The following ELP4 variants were observed in gnomAD, a reference collection of about 807,000 sequenced individuals.
ELP4 encodes elongator complex protein 4.
A neutral mutation model predicts 48.9 loss-of-function variants in ELP4; 51 were observed. The ratio of observed to expected loss-of-function variants is 1.04; its 90% CI spans 0.83 to 1.32. The LOEUF (loss-of-function observed/expected upper bound fraction) is 1.32, where lower values mean the gene tolerates loss of function less well. Among genes scored for constraint, ELP4 ranks in the 40% most tolerant of loss-of-function variants. ELP4 has a pLI of 0.00. For missense variants in ELP4, 519 were observed against 514.6 expected (o/e 1.01, Z -0.08); for synonymous variants, 210 against 189.2 (o/e 1.11, Z -0.90).
intron 3 of ELP4, among the ~76,000 whole-genome samples, chr11:31,550,042 G>A (rs930841996): frequency 9.2e-5 from 14 of 152,094 alleles, no homozygotes; most frequent in East Asian, 5.8e-4. Flanking sequence ...GCTAGATGAC[G>A]AGTTAGTGGG....
Position 31,783,724 on chromosome 11 carries a change from T to A in ELP4, c.*200T>A, listed in dbSNP as rs1948430682. 1 of 468,654 alleles carries A rather than the reference T, an allele frequency of 2.1e-6. No homozygotes were observed. The highest frequency in any genetic ancestry group is 3.7e-6 in the Non-Finnish European group (1 of 268,360). 29.0% of individuals were successfully genotyped at this position (468,654 alleles called of 1,614,324 possible). On this transcript the variant is annotated 3_prime_UTR_variant, in exon 10 of 10. Coordinates refer to ENST00000640961, the MANE Select transcript of ELP4 (RefSeq NM_019040.5). The stretch of plus-strand genomic sequence containing the variant: ...GAAATACTTTTAAATTTTTCCTTCA[T>A]GCTCTAGAGAAAATAATTTTATTTT...
intron 3 of ELP4, among the ~76,000 whole-genome samples, chr11:31,570,091 C>CA (rs764382386): frequency 3.3e-5 from 5 of 152,120 alleles, no homozygotes; most frequent in African/African-American, 7.2e-5. Flanking sequence ...TTCTCAATAG[C>CA]AAAGACATGG....
intron 5 of ELP4, among the ~76,000 whole-genome samples, chr11:31,626,606 T>C (rs1944749452): frequency 6.6e-6 from 1 of 151,908 alleles, no homozygotes; most frequent in African/African-American, 2.4e-5. Flanking sequence ...ATACTCACTT[T>C]TCTTCGTGTG....
intron 7 of ELP4, among the ~76,000 whole-genome samples, chr11:31,642,477 A>G (rs1945118988): frequency 6.6e-6 from 1 of 151,880 alleles, no homozygotes; most frequent in Admixed American, 6.6e-5. Flanking sequence ...TTTTTTCACC[A>G]TCAAGGTTAG....
intron 9 of ELP4, among the ~76,000 whole-genome samples, chr11:31,750,952 T>C (rs985708485): frequency 2.6e-5 from 4 of 152,190 alleles, no homozygotes. Context: ...TTTCTTAACC[T>C]CCACAGAAGA....
rs1479523421 is a variant in ELP4, at chr11:31,695,078, GAT to G, written c.1143+44861_1143+44862del. 2.0e-5 allele frequency among the ~76,000 whole-genome samples: 3 copies of G among 152,106 alleles called. No homozygotes were observed. The East Asian group carries it at 5.8e-4, about 29-fold the overall frequency. ...TGGGCCAAGACAATGGGGTTTTCTA[GAT>G]ATACAATCATGTCATCTGCAAACAG... On this transcript the variant is annotated intron_variant, in intron 9 of 9. Transcript: ENST00000640961.
chr11:31,601,902 C>T (rs1041327376), intron 4 of ELP4, among the ~76,000 whole-genome samples: 3 of 151,962 alleles, frequency 2.0e-5, no homozygotes, highest in Non-Finnish European at 4.4e-5. Flanking sequence ...TTATTATAGC[C>T]AAATCCTAGT....
intron 1 of ELP4, chr11:31,511,476 G>T (rs1471362596): frequency 6.6e-6 from 1 of 152,136 alleles, no homozygotes; most frequent in Non-Finnish European, 1.5e-5. Context: ...TAGATTCTCA[G>T]TAAGTTGTTG....
At chr11:31,554,314 G>A (rs1363708390) in intron 3 of ELP4, among the ~76,000 whole-genome samples, 2 of 152,068 alleles carry the variant, frequency 1.3e-5, no homozygotes, top group Admixed American at 6.6e-5. Flanking sequence ...GGACTGCTGC[G>A]TTAAAGGATT....
intron 4 of ELP4, among the ~76,000 whole-genome samples, chr11:31,602,709 C>CT (rs1265667220): frequency 6.6e-6 from 1 of 151,766 alleles, no homozygotes; most frequent in Non-Finnish European, 1.5e-5. Context: ...GCAAATATGT[C>CT]TTTCTTATCT....
chr11:31,671,980 T>A (rs1357757386), intron 9 of ELP4, among the ~76,000 whole-genome samples: 3 of 152,118 alleles, frequency 2.0e-5, no homozygotes, highest in Non-Finnish European at 4.4e-5. Context: ...AGGAACTTTG[T>A]TGTAAGCAGG....
At chr11:31,664,023 TCA>T (rs1945619014) in intron 9 of ELP4, 1 of 152,088 alleles carries the variant, frequency 6.6e-6, no homozygotes, top group Non-Finnish European at 1.5e-5. Context: ...TTGCATGAAA[TCA>T]CACAAAAAGA....
intron 9 of ELP4, among the ~76,000 whole-genome samples, chr11:31,695,896 G>C (rs1042437851): frequency 1.3e-5 from 2 of 151,664 alleles, no homozygotes; most frequent in Non-Finnish European, 2.9e-5. Context: ...TTAGTCTTGA[G>C]AGGGTGTATG....
chr11:31,544,550 G>A (rs1448541681), intron 3 of ELP4, among the ~76,000 whole-genome samples: 1 of 152,222 alleles, frequency 6.6e-6, no homozygotes, highest in Admixed American at 6.5e-5. Context: ...GCCTGCCTCT[G>A]TAGGCTCCAC....
rs1438975041 is a variant in ELP4, at chr11:31,515,798, C to A, written c.224-4258C>A. ...TGTTATGTGATCTGTTCTCATTGTCCCATAGTGAATGTTAAAAAATCTTTA... is the reference window on the plus strand; with the variant it reads ...TGTTATGTGATCTGTTCTCATTGTCACATAGTGAATGTTAAAAAATCTTTA... On this transcript the variant is annotated intron_variant, in intron 1 of 9. Transcript: ENST00000640961. 2.0e-5 allele frequency among the ~76,000 whole-genome samples: 3 copies of A among 152,190 alleles called. No homozygotes were observed. In the East Asian group the frequency reaches 5.8e-4, roughly 29 times the overall value.
At position 31,784,784 on chromosome 11, in the gene ELP4, T is replaced by C. The variant is rs958517163; in HGVS notation, c.*1260T>C. The C allele has an allele frequency of 1.7e-5, 3 of 172,182 alleles. No homozygotes were observed. The highest frequency in any genetic ancestry group is 6.4e-5 in the Admixed American group (1 of 15,700). 10.7% of individuals were successfully genotyped at this position (172,182 alleles called of 1,614,324 possible). On this transcript the variant is annotated 3_prime_UTR_variant, in exon 10 of 10. Transcript: ENST00000640961. ...TCACTTAAAAAAACCCACTGTAGCA[T>C]AAACACATACTGTATACAGCTTTTA... is the stretch of plus-strand genomic sequence containing the variant.
At chr11:31,539,120 A>G (rs932601475) in intron 2 of ELP4, among the ~76,000 whole-genome samples, 1 of 152,166 alleles carries the variant, frequency 6.6e-6, no homozygotes, top group Non-Finnish European at 1.5e-5. Context: ...TGGATATCAA[A>G]GTGATGTAGT....
chr11:31,643,263 A>G (rs886986367), intron 7 of ELP4, among the ~76,000 whole-genome samples: 5 of 151,684 alleles, frequency 3.3e-5, no homozygotes, highest in Non-Finnish European at 5.9e-5. Context: ...GCCATACTCA[A>G]ATGAGAGCTC....
At chr11:31,685,930 TAAAAAA>T (rs58204467) in intron 9 of ELP4, among the ~76,000 whole-genome samples, 3 of 142,742 alleles carry the variant, frequency 2.1e-5, no homozygotes, top group Non-Finnish European at 4.6e-5. Context: ...GACTCCATCT[TAAAAAA>T]AAAAAAAAAA....
Sources: gnomAD v4.1 joint callset for allele counts (sites outside exome capture counted in the v4.1 genomes callset) on GRCh38, gnomAD v4.1.1 for gene constraint, MANE v1.5 for transcripts, NCBI Gene and HGNC (gene_info 2026-07-23, HGNC 2026-07-21) for gene names.